Variants in ANKMY1 observed in about 807,000 individuals in gnomAD.
ANKMY1 encodes the protein ankyrin repeat and MYND domain containing 1.
ANKMY1 carries 98 observed loss-of-function variants against 102.0 expected under a neutral mutation model. The observed-to-expected ratio is 0.96, with a 90% CI of 0.82 to 1.14. The LOEUF (loss-of-function observed/expected upper bound fraction) is 1.14. Ranked by LOEUF, ANKMY1 falls within the 50% of genes most tolerant of loss-of-function variation. The pLI is 0.00. For synonymous variants in ANKMY1, 582 were observed against 559.9 expected, an observed-to-expected ratio of 1.04 and a Z score of -0.56; for missense variants, 1,330 against 1,347.6, an observed-to-expected ratio of 0.99 and a Z score of 0.20.
rs2084844320 is a variant in ANKMY1 at position 240,529,666 on chromosome 2, C to T, written c.481-157G>A. Among the ~76,000 whole-genome samples, 1 of 152,230 alleles carries T rather than the reference C, an allele frequency of 6.6e-6. No homozygotes were observed. The highest frequency in any genetic ancestry group is 1.5e-5 in the Non-Finnish European group (1 of 68,044). ...ATCTCTGGAGGCTTAGGCTGTGCCG[C>T]CCAGGGACCGAGGCGGACCAGCTCT... On this transcript the variant is annotated intron_variant, in intron 4 of 17. Coordinates refer to ENST00000401804, the MANE Select transcript of ANKMY1 (RefSeq NM_001282771.3). The surrounding 1 kb of genome is among the most constrained non-coding windows in gnomAD (Gnocchi z 4.2).
In ANKMY1 at chr2:240,529,124, G is replaced by A. The variant is rs371864046; in HGVS notation, c.866C>T (p.Pro289Leu). ...LDARIFLNEI[P>L]PFVEDGEPWF... ...TGGTTCTCCATCCTCAACGAACGGA[G>A]GAATTTCATTGAGGAAGATGCGGGC... Residue 289 changes from proline to leucine, a missense_variant, in exon 5 of 18, where the codon CCT becomes CTT. By Grantham distance (98) the Pro-to-Leu change is moderately conservative. Coordinates refer to ENST00000401804, the MANE Select transcript of ANKMY1 (RefSeq NM_001282771.3). This position sits in a 1 kb window ranked among gnomAD's most constrained non-coding sequence, Gnocchi z 4.2. 1.1e-5 allele frequency: 18 copies of A among 1,614,088 alleles called. No individual in the cohort carries two copies. The African/African-American group carries it at 2.4e-4, about 22-fold the overall frequency.
At chr2:240,475,845 G>A (rs574362710), downstream of ANKMY1, among the ~76,000 whole-genome samples, 3 of 152,098 alleles carry the variant, frequency 2.0e-5, no homozygotes, top group South Asian at 2.1e-4. Flanking sequence ...ATATTGATGA[G>A]AGAAATTAAG....
At chr2:240,494,466 C>A (rs1166127443) in intron 15 of ANKMY1, among the ~76,000 whole-genome samples, 1 of 152,170 alleles carries the variant, frequency 6.6e-6, no homozygotes, top group Admixed American at 6.5e-5. Flanking sequence ...CCAGCCACTG[C>A]CACTCAGGCC....
At chr2:240,523,724 C>T in intron 8 of ANKMY1, 161 bp downstream of exon 8, 1 of 1,230,238 alleles carries the variant, frequency 8.1e-7, no homozygotes, top group Non-Finnish European at 1.1e-6. Flanking sequence ...CAGGGCTGGC[C>T]ATGGCGTGGA....
chr2:240,558,911 A>C (rs2092699558), upstream of ANKMY1, among the ~76,000 whole-genome samples: 1 of 152,204 alleles, frequency 6.6e-6, no homozygotes. Flanking sequence ...GGCATACTAC[A>C]TGCATGCACT....
rs1243761323 is a variant in ANKMY1 at position 240,520,516 on chromosome 2, C to T, written c.1850G>A (p.Arg617Gln). 6 of 1,612,180 alleles carry T rather than the reference C, an allele frequency of 3.7e-6. No homozygotes were observed. Among genetic ancestry groups the T allele is most frequent in the Non-Finnish European group, 4.2e-6 (5 of 1,179,242 alleles). Residue 617 changes from arginine to glutamine, a missense_variant, in exon 9 of 18, where the codon CGG becomes CAG. Transcript: ENST00000401804. The surrounding 1 kb of genome is among the most constrained non-coding windows in gnomAD (Gnocchi z 4.8). The part of the protein sequence containing the change: ...LSMIERRKRW[R>Q]TIKLLLRRGA... ...CCGGCGCAGCAGCAGCTTGATGGTC[C>T]GCCAGCGCTTCCTCCGCCTGAAAAA...
chr2:240,544,395 T>C (rs185280862), intron 4 of ANKMY1, among the ~76,000 whole-genome samples: 99 of 152,338 alleles, frequency 6.5e-4, no homozygotes, highest in African/African-American at 2.3e-3. Flanking sequence ...AATAGAAAGT[T>C]GAAAAAGTTT....
chr2:240,542,007 T>A (rs2088984739), intron 4 of ANKMY1, among the ~76,000 whole-genome samples: 1 of 151,254 alleles, frequency 6.6e-6, no homozygotes, highest in Non-Finnish European at 1.5e-5. Flanking sequence ...GTCAGGAGTT[T>A]GAGACCAGCC....
chr2:240,527,568 T>TGGG (rs2083933114), intron 5 of ANKMY1: 2 of 132,514 alleles, frequency 1.5e-5, no homozygotes, highest in African/African-American at 2.7e-5. Context: ...AGTGGGTGAA[T>TGGG]TAATGGGTAG....
At chr2:240,495,349 G>T (rs1045516844) in intron 15 of ANKMY1, among the ~76,000 whole-genome samples, 2 of 152,160 alleles carry the variant, frequency 1.3e-5, no homozygotes, top group Non-Finnish European at 2.9e-5. Flanking sequence ...ACAGTTATCC[G>T]GAGGCCTAAC....
chr2:240,500,415 A>G, intron 14 of ANKMY1, 37 bp downstream of exon 14: 1 of 1,589,598 alleles, frequency 6.3e-7, no homozygotes. Flanking sequence ...CGTGACCCAC[A>G]CTCCCCCTCC....
In ANKMY1 at chr2:240,520,121, A is replaced by T; in HGVS notation, c.2004+241T>A. 4.1e-6 allele frequency: 3 copies of T among 730,832 alleles called. No homozygotes were observed. In the South Asian group the frequency reaches 4.5e-5, roughly 11 times the overall value. The allele number at this position is 730,832 out of a possible 1,614,324, so 45.3% of individuals were successfully genotyped here. On this transcript the variant is annotated intron_variant, in intron 9 of 17. Transcript: ENST00000401804. This position sits in a 1 kb window ranked among gnomAD's most constrained non-coding sequence, Gnocchi z 4.8. ...AGTTTGCTTCAACACTGGGAAAAAA[A>T]TCACACGGATCGTGAAGTACTCTAA...
At chr2:240,545,522 C>G (rs1489567320) in intron 4 of ANKMY1, among the ~76,000 whole-genome samples, 1 of 150,728 alleles carries the variant, frequency 6.6e-6, no homozygotes, top group African/African-American at 2.5e-5. Context: ...ATGACTTTGA[C>G]GAGCTGAGAG....
At position 240,529,107 on chromosome 2, in the gene ANKMY1, C is replaced by A. The variant is rs1020565336; in HGVS notation, c.883G>T (p.Gly295Ter). 1.4e-5 allele frequency: 22 copies of A among 1,614,224 alleles called. No individual in the cohort carries two copies. The highest frequency in any genetic ancestry group is 1.9e-5 in the Non-Finnish European group (22 of 1,180,050). ...TCATTGATTATGAACCATGGTTCTC[C>A]ATCCTCAACGAACGGAGGAATTTCA... ...LNEIPPFVED[G>*]EPWFIINETP... The change falls in exon 5 of 18, where the codon GGA becomes TGA. Residue 295 changes from glycine (G) to a stop codon, truncating the protein, a stop_gained. Transcript: ENST00000401804. LOFTEE classifies it high-confidence loss of function. The surrounding 1 kb of genome is among the most constrained non-coding windows in gnomAD (Gnocchi z 4.2).
At chr2:240,478,703 C>T (rs1437424418), downstream of ANKMY1, among the ~76,000 whole-genome samples, 2 of 148,416 alleles carry the variant, frequency 1.3e-5, no homozygotes, top group Admixed American at 1.4e-4. Context: ...GCATGGAGCC[C>T]ATCTTTGGCG....
chr2:240,484,234 G>A (rs73010219), intron 15 of ANKMY1, among the ~76,000 whole-genome samples: 12,374 of 152,200 alleles, frequency 0.081, 562 homozygotes, highest in Middle Eastern at 0.16. Context: ...GGTAGAGCTT[G>A]TATAGCGAAG....
upstream of ANKMY1, chr2:240,558,648 T>C (rs1575414674): frequency 1.3e-5 from 2 of 152,060 alleles, no homozygotes; most frequent in Non-Finnish European, 2.9e-5. Flanking sequence ...CTCTTGGAGG[T>C]GCAGGGCTTG....
chr2:240,505,566 C>T (rs549104946), intron 13 of ANKMY1, among the ~76,000 whole-genome samples: 6 of 152,072 alleles, frequency 3.9e-5, no homozygotes, highest in Admixed American at 1.3e-4. Context: ...TGAAGAGAAA[C>T]GTGTCCATTG....
At position 240,538,662 on chromosome 2, in the gene ANKMY1, A is replaced by C. The variant is rs537497667; in HGVS notation, c.481-9153T>G. Reference sequence around the variant, plus strand: ...CAAGGGCTGAGGAGTATGGGCGTGCAGTGAGGCACTGACGGGCACCTCCCC... The same window carrying C: ...CAAGGGCTGAGGAGTATGGGCGTGCCGTGAGGCACTGACGGGCACCTCCCC... On this transcript the variant is annotated intron_variant, in intron 4 of 17. Coordinates refer to ENST00000401804, the MANE Select transcript of ANKMY1 (RefSeq NM_001282771.3). 9.8e-5 allele frequency among the ~76,000 whole-genome samples: 15 copies of C among 152,312 alleles called. No individual in the cohort carries two copies. In the East Asian group the frequency reaches 2.5e-3, roughly 25 times the overall value.
Sources: gnomAD v4.1 joint callset for allele counts (sites outside exome capture counted in the v4.1 genomes callset) on GRCh38, gnomAD v4.1.1 for gene constraint, Gnocchi (gnomAD v3.1) non-coding constraint, MANE v1.5 for transcripts, NCBI Gene and HGNC (gene_info 2026-07-23, HGNC 2026-07-21) for gene names.